The following FMNL2 variants were observed in gnomAD, a reference collection of about 807,000 sequenced individuals.
FMNL2 encodes formin like 2.
Under a neutral mutation model 130.2 loss-of-function variants are expected in FMNL2, and 51 were observed. The observed-to-expected ratio is 0.39, with a 90% CI of 0.31 to 0.49. The LOEUF (loss-of-function observed/expected upper bound fraction) is 0.49, where lower values mean the gene tolerates loss of function less well. Among genes scored for constraint, FMNL2 ranks in the 20% least tolerant of loss-of-function variants. FMNL2 has a pLI of 0.85. For synonymous variants in FMNL2, 465 were observed against 467.1 expected (o/e 1.00, Z 0.06); for missense variants, 977 against 1,316.2 (o/e 0.74, Z 3.99).
intron 4 of FMNL2, among the ~76,000 whole-genome samples, chr2:152,553,456 C>T (rs989417083): frequency 6.6e-6 from 1 of 151,738 alleles, no homozygotes; most frequent in African/African-American, 2.4e-5. Flanking sequence ...GTACCTTGCT[C>T]AATTCCACAC....
chr2:152,528,564 G>T (rs1412003298), intron 2 of FMNL2, among the ~76,000 whole-genome samples: 1 of 152,180 alleles, frequency 6.6e-6, no homozygotes, highest in Admixed American at 6.5e-5. Context: ...TATAAGAACA[G>T]TTACTGGATT....
intron 1 of FMNL2, among the ~76,000 whole-genome samples, chr2:152,423,126 T>A (rs1687005502): frequency 6.6e-6 from 1 of 152,210 alleles, no homozygotes; most frequent in Non-Finnish European, 1.5e-5. Context: ...TGTGTAATAA[T>A]CACATAATGT....
chr2:152,595,549 C>T (rs1393251905), intron 9 of FMNL2, among the ~76,000 whole-genome samples: 2 of 152,136 alleles, frequency 1.3e-5, no homozygotes, highest in Non-Finnish European at 2.9e-5. Flanking sequence ...GAACTCCTGA[C>T]CTCAAGTGAT....
In FMNL2 at chr2:152,619,151, T is replaced by A; in HGVS notation, c.1620T>A (p.Pro540=). Residue 540 remains proline, a synonymous_variant, in exon 14 of 26, where the codon CCT becomes CCA. Transcript: ENST00000288670. ...CACTGCCTCCCTCATCAGACACACC[T>A]GAAACAGGTAAGAAGCCTTGGCAGG... The part of the protein sequence containing the change: ...PPPLPPSSDT[P]ETVQNGPVTP... 1 of 1,558,216 alleles carries A rather than the reference T, an allele frequency of 6.4e-7. No individual in the cohort carries two copies. The highest frequency in any genetic ancestry group is 8.7e-7 in the Non-Finnish European group (1 of 1,156,064).
intron 2 of FMNL2, among the ~76,000 whole-genome samples, chr2:152,529,020 G>A (rs948896196): frequency 1.3e-5 from 2 of 152,124 alleles, no homozygotes; most frequent in African/African-American, 2.4e-5. Context: ...GATGAGAAAC[G>A]GAGACTAGCT....
In FMNL2 at chr2:152,390,032, T is replaced by C. The variant is rs959364656; in HGVS notation, c.117+54312T>C. Reference sequence around the variant, plus strand: ...ACCAGAAAAAGGATGCAGAGAATCATGAGGCCCAGCTCAAGAACGGCAGCC... The same window carrying C: ...ACCAGAAAAAGGATGCAGAGAATCACGAGGCCCAGCTCAAGAACGGCAGCC... On this transcript the variant is annotated intron_variant, in intron 1 of 25. Coordinates refer to ENST00000288670, the MANE Select transcript of FMNL2 (RefSeq NM_052905.4). 9 of 1,579,702 alleles carry C rather than the reference T, an allele frequency of 5.7e-6. No homozygotes were observed. In the East Asian group the frequency reaches 1.3e-4, roughly 24 times the overall value.
Position 152,469,364 on chromosome 2 carries a change from G to A in FMNL2, c.118-52579G>A, listed in dbSNP as rs1336841861. Among the ~76,000 whole-genome samples the A allele has an allele frequency of 4.6e-5, 7 of 152,216 alleles. No homozygotes were observed. The South Asian group carries it at 1.2e-3, about 27-fold the overall frequency. On this transcript the variant is annotated intron_variant, in intron 1 of 25. Transcript: ENST00000288670. ...TGCCTTGGGACACCCCATGCCTTGA[G>A]AAGTGACACAGCTATTGTCAACACC...
intron 9 of FMNL2, among the ~76,000 whole-genome samples, chr2:152,590,573 C>T (rs1697374643): frequency 1.3e-5 from 2 of 151,752 alleles, no homozygotes; most frequent in Admixed American, 6.6e-5. Flanking sequence ...GAGATCGCAC[C>T]ACTGCATTCC....
At chr2:152,416,932 A>G (rs972235628) in intron 1 of FMNL2, among the ~76,000 whole-genome samples, 15 of 152,170 alleles carry the variant, frequency 9.9e-5, no homozygotes, top group Non-Finnish European at 1.9e-4. Context: ...ACTGCTCGGG[A>G]AGAATAGTCC....
chr2:152,515,966 AT>A (rs1189256695), intron 1 of FMNL2, among the ~76,000 whole-genome samples: 2 of 152,312 alleles, frequency 1.3e-5, no homozygotes, highest in East Asian at 3.9e-4. Context: ...ATCACCCGTA[AT>A]TAGTAGAGTC....
rs1687219744 is a variant in FMNL2, at chr2:152,426,682, T to A, written c.117+90962T>A. ...TTCTGATGGGCAGCTGATACTGAGA[T>A]TTTTTTTTTTTTGAGAAACACAGAA... On this transcript the variant is annotated intron_variant, in intron 1 of 25. Transcript: ENST00000288670. 3.2e-5 allele frequency among the ~76,000 whole-genome samples: 3 copies of A among 93,638 alleles called. No homozygotes were observed. The South Asian group carries it at 7.8e-4, about 24-fold the overall frequency. 61.4% of individuals were successfully genotyped at this position (93,638 alleles called of 152,430 possible). A position where few individuals can be genotyped will look rare whatever the true frequency, so the allele number is the denominator to read the frequency against.
intron 2 of FMNL2, chr2:152,539,306 C>G (rs1579915127): frequency 1.3e-5 from 2 of 157,192 alleles, no homozygotes; most frequent in South Asian, 3.6e-4. Flanking sequence ...AAAAAGCACT[C>G]AAAATTGGCA....
chr2:152,495,373 A>G lies in FMNL2; in HGVS notation c.118-26570A>G, dbSNP rs1558912581. 5.9e-5 allele frequency among the ~76,000 whole-genome samples: 9 copies of G among 152,026 alleles called. No individual in the cohort carries two copies. In the South Asian group the frequency reaches 1.9e-3, roughly 32 times the overall value. Reference sequence around the variant, plus strand: ...AGATTAAGATGTTCATGCTGGGCCAAGTGTGGTGACTCATGCCTGTAATCC... The same window carrying G: ...AGATTAAGATGTTCATGCTGGGCCAGGTGTGGTGACTCATGCCTGTAATCC... On this transcript the variant is annotated intron_variant, in intron 1 of 25. Transcript: ENST00000288670.
At chr2:152,420,233 G>A (rs771491463) in intron 1 of FMNL2, among the ~76,000 whole-genome samples, 9 of 152,156 alleles carry the variant, frequency 5.9e-5, no homozygotes. Context: ...GTGAAAAGAC[G>A]AATTTGGTCA....
chr2:152,646,161 A>AC (rs1683535654), intron 25 of FMNL2, among the ~76,000 whole-genome samples: 5 of 144,870 alleles, frequency 3.5e-5, no homozygotes, highest in Admixed American at 7.0e-5. Context: ...TCTCTACAAA[A>AC]AAAAAAAAAC....
chr2:152,573,231 C>G (rs1212923489), intron 6 of FMNL2, among the ~76,000 whole-genome samples: 1 of 152,172 alleles, frequency 6.6e-6, no homozygotes, highest in Non-Finnish European at 1.5e-5. Flanking sequence ...TTTTGACAAA[C>G]TAAGCCTTAA....
intron 2 of FMNL2, among the ~76,000 whole-genome samples, chr2:152,528,395 G>T (rs1408479123): frequency 6.6e-6 from 1 of 152,082 alleles, no homozygotes; most frequent in Admixed American, 6.6e-5. Flanking sequence ...GCTGTTGACT[G>T]GGCCTTGTTC....
At chr2:152,642,042 A>G (rs1006509441) in intron 25 of FMNL2, among the ~76,000 whole-genome samples, 15 of 151,514 alleles carry the variant, frequency 9.9e-5, no homozygotes, top group African/African-American at 2.2e-4. Context: ...CTGGGTTCAC[A>G]CCATTCTTCT....
chr2:152,509,878 G>C (rs1037900303), intron 1 of FMNL2, among the ~76,000 whole-genome samples: 1 of 150,414 alleles, frequency 6.6e-6, no homozygotes, highest in African/African-American at 2.4e-5. Context: ...CTGAGTAGCT[G>C]GGACTATAAG....
Sources: allele counts gnomAD v4.1 joint callset (sites outside exome capture counted in the v4.1 genomes callset), GRCh38; gene constraint gnomAD v4.1.1; transcripts MANE v1.5; gene names NCBI Gene and HGNC (gene_info 2026-07-23, HGNC 2026-07-21).